The following TXNL4B variants were observed in gnomAD, a reference collection of about 807,000 sequenced individuals.
The protein encoded by TXNL4B is thioredoxin like 4B.
TXNL4B carries 12 observed loss-of-function variants against 13.0 expected under a neutral mutation model. The observed-to-expected ratio is 0.92, with a 90% CI of 0.59 to 1.49. The LOEUF is 1.49. TXNL4B is among the 40% of genes most tolerant of loss of function. The pLI is 0.00. For missense variants in TXNL4B, 214 were observed against 173.6 expected (o/e 1.23, Z -1.31); for synonymous variants, 59 against 58.9 (o/e 1.00, Z -0.01).
chr16:72,090,860 C>T (rs2041894263), intron 1 of TXNL4B, 74 bp from the exon 2 acceptor site: 1 of 1,215,102 alleles, frequency 8.2e-7, no homozygotes, highest in African/African-American at 1.5e-5. Flanking sequence ...AATTAATTCA[C>T]AGAGTAGCTA....
chr16:72,087,607 C>G (rs887894109), intron 3 of TXNL4B, among the ~76,000 whole-genome samples: 3 of 152,030 alleles, frequency 2.0e-5, no homozygotes, highest in African/African-American at 7.2e-5. Context: ...TTAATACTTA[C>G]ATCAAATGTG....
chr16:72,084,963 T>C lies in TXNL4B; in HGVS notation c.*1674A>G. 2.5e-6 allele frequency: 1 copy of C among 398,644 alleles called. No individual in the cohort carries two copies. Among genetic ancestry groups the C allele is most frequent in the Non-Finnish European group, 4.4e-6 (1 of 226,074 alleles). The allele number at this position is 398,644 out of a possible 1,614,324, so 24.7% of individuals were successfully genotyped here. A position where few individuals can be genotyped will look rare whatever the true frequency, so the allele number is the denominator to read the frequency against. ...GAGATTGGGCTCTTTTTGTTCTTCT[T>C]AGCATATCGATGTTTTACGTGATGC... is the stretch of plus-strand genomic sequence containing the variant. On this transcript the variant is annotated 3_prime_UTR_variant, in exon 4 of 4. Transcript: ENST00000268483.
At chr16:72,087,388 C>CT (rs1213773278) in intron 3 of TXNL4B, 2 of 139,612 alleles carry the variant, frequency 1.4e-5, no homozygotes, top group African/African-American at 5.3e-5. Context: ...ATACAAACTT[C>CT]TTTTTTCCCA....
At chr16:72,094,264 A>T (rs2144121478), upstream of TXNL4B, 1 of 152,638 alleles carries the variant, frequency 6.6e-6, no homozygotes, top group South Asian at 2.1e-4. Flanking sequence ...TGCTGCCTGG[A>T]GCGGCCTCGC....
At position 72,085,408 on chromosome 16, in the gene TXNL4B, C is replaced by T. The variant is rs912643091; in HGVS notation, c.*1229G>A. 19 of 174,076 alleles carry T rather than the reference C, an allele frequency of 1.1e-4. No homozygotes were observed. Among genetic ancestry groups the T allele is most frequent in the Non-Finnish European group, 2.0e-4 (17 of 83,102 alleles). 10.8% of individuals were successfully genotyped at this position (174,076 alleles called of 1,614,324 possible). On this transcript the variant is annotated 3_prime_UTR_variant, in exon 4 of 4. Transcript: ENST00000268483. ...AATAAATCTGTTTCAATAACCACCACGAGGTTTAAAGAGGAGCAGTAACTT... is the reference window on the plus strand; with the variant it reads ...AATAAATCTGTTTCAATAACCACCATGAGGTTTAAAGAGGAGCAGTAACTT...
At chr16:72,090,826 A>C (rs1405012042) in intron 1 of TXNL4B, 40 bp from the exon 2 acceptor site, 9 of 1,552,412 alleles carry the variant, frequency 5.8e-6, no homozygotes, top group Non-Finnish European at 7.1e-6. Flanking sequence ...GTTTAGATTA[A>C]GTGCGTGAGC....
chr16:72,093,130 C>T (rs1254408444), intron 1 of TXNL4B, among the ~76,000 whole-genome samples: 1 of 152,124 alleles, frequency 6.6e-6, no homozygotes, highest in Non-Finnish European at 1.5e-5. Flanking sequence ...GCCACAACTG[C>T]AGAAACACCA....
At chr16:72,090,347 C>T (rs973937504) in intron 2 of TXNL4B, among the ~76,000 whole-genome samples, 1 of 152,090 alleles carries the variant, frequency 6.6e-6, no homozygotes, top group East Asian at 1.9e-4. Flanking sequence ...ATAGTGTTCA[C>T]AGATGCTTGT....
chr16:72,089,236 A>AAAC, intron 2 of TXNL4B, 98 bp from the exon 3 acceptor site: 1 of 1,079,954 alleles, frequency 9.3e-7, no homozygotes, highest in Non-Finnish European at 1.3e-6. Context: ...TGTTTGAAAA[A>AAAC]ACTCCTGGGC....
chr16:72,087,355 T>TGC (rs1486619835), intron 3 of TXNL4B: 1 of 151,124 alleles, frequency 6.6e-6, no homozygotes, highest in African/African-American at 2.4e-5. Context: ...TGTGTGTGTG[T>TGC]GTGTGTGTGT....
chr16:72,087,178 T>A (rs1460784583), intron 3 of TXNL4B: 1 of 163,904 alleles, frequency 6.1e-6, no homozygotes, highest in African/African-American at 2.4e-5. Flanking sequence ...CATTCAATAT[T>A]CATGGCCTTT....
intron 3 of TXNL4B, among the ~76,000 whole-genome samples, chr16:72,087,021 T>C (rs1394208716): frequency 6.6e-6 from 1 of 152,230 alleles, no homozygotes; most frequent in East Asian, 1.9e-4. Flanking sequence ...CTCTGTCATG[T>C]GCAAAGCTTT....
At chr16:72,094,213 T>TCCGG (rs2041970868), upstream of TXNL4B, 1 of 152,970 alleles carries the variant, frequency 6.5e-6, no homozygotes, top group South Asian at 2.1e-4. Flanking sequence ...GCTGCATCCG[T>TCCGG]CCTGGCCGCC....
rs904410789 is a variant in TXNL4B at position 72,086,880 on chromosome 16, A to G, written c.285-78T>C. 8 of 1,125,950 alleles carry G rather than the reference A, an allele frequency of 7.1e-6. No homozygotes were observed. The African/African-American group carries it at 1.3e-4, about 18-fold the overall frequency. The allele number at this position is 1,125,950 out of a possible 1,614,324, so 69.7% of individuals were successfully genotyped here. On this transcript the variant is annotated intron_variant, in intron 3 of 3. Transcript: ENST00000268483. Reference sequence around the variant, plus strand: ...GTTGAAGACTTTCAGGATAAACAAAATGAAAAACAGCTTTGTTATTTTCTT... The same window carrying G: ...GTTGAAGACTTTCAGGATAAACAAAGTGAAAAACAGCTTTGTTATTTTCTT...
chr16:72,089,443 G>A, intron 2 of TXNL4B, among the ~76,000 whole-genome samples: 1 of 152,154 alleles, frequency 6.6e-6, no homozygotes, highest in Non-Finnish European at 1.5e-5. Context: ...TGACAGCATG[G>A]GAGTATTCCT....
upstream of TXNL4B, chr16:72,093,776 C>T (rs2041960862): frequency 6.6e-6 from 1 of 152,246 alleles, no homozygotes; most frequent in Non-Finnish European, 1.5e-5. Flanking sequence ...TGATTGGTCA[C>T]AAGGAGACTC....
chr16:72,092,635 G>C (rs1271040675), intron 1 of TXNL4B, among the ~76,000 whole-genome samples: 2 of 152,120 alleles, frequency 1.3e-5, no homozygotes, highest in East Asian at 1.9e-4. Flanking sequence ...GTTACTGATC[G>C]AAAGGAGAAA....
In TXNL4B at chr16:72,090,059, G is replaced by A. The variant is rs192510064; in HGVS notation, c.132+559C>T. Reference sequence around the variant, plus strand: ...ACATCACACCCTCATTGTAACCACGGAAATGAGGATTTGTACGCTCAGCTC... The same window carrying A: ...ACATCACACCCTCATTGTAACCACGAAAATGAGGATTTGTACGCTCAGCTC... On this transcript the variant is annotated intron_variant, in intron 2 of 3. Transcript: ENST00000268483. 2.2e-3 allele frequency: 1,017 copies of A among 455,756 alleles called. 10 individuals are homozygous for A. The Middle Eastern group carries it at 0.036, about 16-fold the overall frequency. The allele number at this position is 455,756 out of a possible 1,614,324, so 28.2% of individuals were successfully genotyped here.
At chr16:72,092,960 A>G (rs1219322390) in intron 1 of TXNL4B, among the ~76,000 whole-genome samples, 1 of 152,202 alleles carries the variant, frequency 6.6e-6, no homozygotes, top group Non-Finnish European at 1.5e-5. Flanking sequence ...TTCTGGAAAG[A>G]AAACTGACAT....
Sources: allele counts gnomAD v4.1 joint callset (sites outside exome capture counted in the v4.1 genomes callset), GRCh38; gene constraint gnomAD v4.1.1; transcripts MANE v1.5; gene names NCBI Gene and HGNC (gene_info 2026-07-23, HGNC 2026-07-21).